SAMMSON: variants seen among roughly 807,000 people sequenced by gnomAD.
SAMMSON encodes long intergenic non-protein coding RNA 1212.
intron 4 of SAMMSON, among the ~76,000 whole-genome samples, chr3:70,227,528 GA>G (rs1302065936): frequency 2.6e-5 from 4 of 152,172 alleles, no homozygotes; most frequent in African/African-American, 7.2e-5. Flanking sequence ...AAGGCTAGAA[GA>G]CAAAGTGAGT....
chr3:70,154,628 G>A (rs143986929), intron 4 of SAMMSON, among the ~76,000 whole-genome samples: 1 of 152,158 alleles, frequency 6.6e-6, no homozygotes, highest in African/African-American at 2.4e-5. Flanking sequence ...GATGACTCTG[G>A]GTACTTGAGC....
chr3:70,122,137 A>G (rs1021029991), intron 4 of SAMMSON, among the ~76,000 whole-genome samples: 2 of 152,228 alleles, frequency 1.3e-5, no homozygotes, highest in African/African-American at 4.8e-5. Flanking sequence ...TTTCACTAAT[A>G]CTATGCAGTC....
chr3:70,101,207 C>T (rs973676224), intron 4 of SAMMSON, among the ~76,000 whole-genome samples: 4 of 152,010 alleles, frequency 2.6e-5, no homozygotes, highest in African/African-American at 7.2e-5. Context: ...TGCCTTTGTT[C>T]AATAGATAAA....
At chr3:70,409,937 AT>A (rs1701205034) in intron 2 of SAMMSON, among the ~76,000 whole-genome samples, 1 of 152,188 alleles carries the variant, frequency 6.6e-6, no homozygotes, top group Admixed American at 6.5e-5. Context: ...GGTAGTGAGC[AT>A]AATACCCAAC....
intron 4 of SAMMSON, among the ~76,000 whole-genome samples, chr3:70,219,181 T>C (rs1036055259): frequency 1.3e-5 from 2 of 152,166 alleles, no homozygotes; most frequent in African/African-American, 4.8e-5. Flanking sequence ...TTTAAAAATA[T>C]GGAAAAACAA....
chr3:70,364,858 T>A (rs1350262071), intron 9 of SAMMSON, among the ~76,000 whole-genome samples: 1 of 151,780 alleles, frequency 6.6e-6, no homozygotes, highest in Non-Finnish European at 1.5e-5. Flanking sequence ...TTACTATTTT[T>A]TCCACAGTGC....
intron 4 of SAMMSON, among the ~76,000 whole-genome samples, chr3:70,128,824 G>A (rs1248784669): frequency 6.6e-6 from 1 of 152,136 alleles, no homozygotes; most frequent in Non-Finnish European, 1.5e-5. Context: ...TACTAATGAT[G>A]TCTATTAATA....
chr3:70,280,731 C>T (rs555123144), intron 6 of SAMMSON, among the ~76,000 whole-genome samples: 1 of 152,266 alleles, frequency 6.6e-6, no homozygotes, highest in African/African-American at 2.4e-5. Flanking sequence ...AAAAACATTA[C>T]TCTTAGTTTC....
Position 70,419,541 on chromosome 3 carries a change from G to A in SAMMSON, n.234-43019G>A, listed in dbSNP as rs561453491. 8.5e-4 allele frequency among the ~76,000 whole-genome samples: 130 copies of A among 152,306 alleles called. 1 individual carries two copies. Among genetic ancestry groups the A allele is most frequent in the African/African-American group, 3.0e-3 (123 of 41,562 alleles). On this transcript the variant is annotated intron_variant and non_coding_transcript_variant, in intron 2 of 3. Coordinates refer to the SAMMSON transcript ENST00000641053. ...CTGCTAATACAACACTGATTGGAAT[G>A]AGGGCTTGAGAAAGTCAATTCCAGG...
intron 4 of SAMMSON, among the ~76,000 whole-genome samples, chr3:70,226,398 A>G (rs1701507398): frequency 6.6e-6 from 1 of 152,144 alleles, no homozygotes; most frequent in South Asian, 2.1e-4. Context: ...GTTGGGTATA[A>G]TATGCAGAAG....
intron 3 of SAMMSON, among the ~76,000 whole-genome samples, chr3:70,044,748 CAA>C (rs1250036241): frequency 6.6e-6 from 1 of 150,478 alleles, no homozygotes; most frequent in Non-Finnish European, 1.5e-5. Flanking sequence ...GATATACTTA[CAA>C]TATATATTAC....
chr3:70,321,313 C>T (rs540587880), intron 7 of SAMMSON, among the ~76,000 whole-genome samples: 13 of 152,160 alleles, frequency 8.5e-5, no homozygotes, highest in Admixed American at 5.9e-4. Flanking sequence ...AATTCAATTG[C>T]ATTTTCTAGA....
chr3:70,117,456 G>A (rs1404492901), intron 4 of SAMMSON, among the ~76,000 whole-genome samples: 2 of 152,150 alleles, frequency 1.3e-5, no homozygotes, highest in Non-Finnish European at 2.9e-5. Flanking sequence ...CAGATCCTTT[G>A]AAAATGTTGT....
At chr3:70,069,710 A>T (rs2067223253) in intron 3 of SAMMSON, 1 of 152,078 alleles carries the variant, frequency 6.6e-6, no homozygotes, top group African/African-American at 2.4e-5. Flanking sequence ...TATGCAGGGG[A>T]TACTATAATT....
chr3:70,266,383 C>T (rs1429364122), intron 6 of SAMMSON, among the ~76,000 whole-genome samples: 1 of 151,822 alleles, frequency 6.6e-6, no homozygotes, highest in African/African-American at 2.4e-5. Flanking sequence ...TGCTTCACTT[C>T]TCTACTTATC....
chr3:70,096,009 T>A (rs2067321658), intron 4 of SAMMSON: 1 of 152,230 alleles, frequency 6.6e-6, no homozygotes, highest in Admixed American at 6.5e-5. Flanking sequence ...CTGAGCTTTC[T>A]GCCTCAGGGT....
chr3:70,051,463 A>C (rs539936158), intron 3 of SAMMSON, among the ~76,000 whole-genome samples: 17 of 146,678 alleles, frequency 1.2e-4, no homozygotes, highest in Admixed American at 2.7e-4. Flanking sequence ...AAAAACCACA[A>C]TTACTTTTTG....
At chr3:70,156,927 A>G (rs1161958622) in intron 4 of SAMMSON, among the ~76,000 whole-genome samples, 1 of 152,098 alleles carries the variant, frequency 6.6e-6, no homozygotes, top group Non-Finnish European at 1.5e-5. Flanking sequence ...AGTTCAATAG[A>G]GTTTAACAGA....
At position 70,143,451 on chromosome 3, in the gene SAMMSON, G is replaced by A. The variant is rs754964750; in HGVS notation, n.507+71886G>A. Among the ~76,000 whole-genome samples, 4 of 152,134 alleles carry A rather than the reference G, an allele frequency of 2.6e-5. No individual in the cohort carries two copies. In the East Asian group the frequency reaches 7.7e-4, roughly 29 times the overall value. The stretch of plus-strand genomic sequence containing the variant: ...GCCCAATAAGAATTTTGTTTTTCGT[G>A]TACCCATTCTCAATGCTTTCAGTTG... On this transcript the variant is annotated intron_variant and non_coding_transcript_variant, in intron 4 of 9. Transcript: ENST00000642114.
Sources: allele counts gnomAD v4.1 joint callset (sites outside exome capture counted in the v4.1 genomes callset), GRCh38; gene constraint gnomAD v4.1.1; transcripts MANE v1.5; gene names NCBI Gene and HGNC (gene_info 2026-07-23, HGNC 2026-07-21).